The following PCDHA11 variants were observed in gnomAD, a reference collection of about 807,000 sequenced individuals.
PCDHA11 encodes protocadherin alpha-11.
In PCDHA11, 61 loss-of-function variants were observed where a neutral mutation model predicts 70.3. That is an observed-to-expected ratio of 0.87 (90% CI 0.71 to 1.07). PCDHA11 has a LOEUF of 1.07. PCDHA11 is among the 50% of genes least tolerant of loss of function. The probability of loss-of-function intolerance (pLI) is 0.00; values close to 1 mark genes in which losing one functional copy is unlikely to be tolerated. For synonymous variants in PCDHA11, 633 were observed against 555.1 expected (o/e 1.14, Z -1.97); for missense variants, 1,324 against 1,237.5 (o/e 1.07, Z -1.05).
At chr5:140,877,930 C>T (rs2057400413) in intron 1 of PCDHA11, 1 of 1,411,700 alleles carries the variant, frequency 7.1e-7, no homozygotes, top group East Asian at 2.5e-5. Flanking sequence ...CTTTATGATT[C>T]TATCCTTTAA....
chr5:140,888,980 G>A (rs1429569959), intron 1 of PCDHA11, among the ~76,000 whole-genome samples: 2 of 152,022 alleles, frequency 1.3e-5, no homozygotes, highest in Non-Finnish European at 2.9e-5. Context: ...TTGAATTTAT[G>A]ATTTATGATT....
chr5:140,904,797 C>T (rs2071388214), intron 1 of PCDHA11, among the ~76,000 whole-genome samples: 1 of 152,022 alleles, frequency 6.6e-6, no homozygotes, highest in East Asian at 1.9e-4. Context: ...TTTGCATTTT[C>T]CTGATAATTA....
intron 1 of PCDHA11, chr5:140,929,372 G>A: frequency 1.3e-6 from 2 of 1,514,740 alleles, no homozygotes; most frequent in Non-Finnish European, 1.8e-6. Context: ...GGAGATGGCT[G>A]CTAGCTGTGT....
In PCDHA11 at chr5:141,010,017, T is replaced by C; in HGVS notation, c.*80T>C. 1.3e-6 allele frequency: 2 copies of C among 1,571,154 alleles called. No individual in the cohort carries two copies. Among genetic ancestry groups the C allele is most frequent in the Non-Finnish European group, 1.7e-6 (2 of 1,162,678 alleles). On this transcript the variant is annotated 3_prime_UTR_variant, in exon 4 of 4. Transcript: ENST00000398640. ...CTCCCATGTAGCAATTCCCTGCTCC[T>C]TTTTCCTATCTACATGAGCCCTCTT...
intron 1 of PCDHA11, chr5:140,966,989 G>A: frequency 5.0e-6 from 8 of 1,604,148 alleles, no homozygotes; most frequent in Non-Finnish European, 6.8e-6. Context: ...CTTGGGGCCG[G>A]GTTGCTTGCG....
chr5:140,939,171 T>C (rs2092330047), intron 1 of PCDHA11, among the ~76,000 whole-genome samples: 1 of 152,170 alleles, frequency 6.6e-6, no homozygotes. Flanking sequence ...TGTCTGGTAA[T>C]GGCCCACTCC....
intron 1 of PCDHA11, among the ~76,000 whole-genome samples, chr5:140,923,931 A>T (rs1216808903): frequency 2.6e-5 from 4 of 152,118 alleles, no homozygotes; most frequent in Non-Finnish European, 4.4e-5. Flanking sequence ...CTCTGTATGC[A>T]TTTTTCCTTT....
intron 1 of PCDHA11, chr5:140,967,465 C>T: frequency 1.2e-6 from 2 of 1,613,512 alleles, no homozygotes; most frequent in Non-Finnish European, 1.7e-6. Flanking sequence ...TGGATGGGGG[C>T]ATCCCAGCCC....
chr5:140,991,003 A>C (rs1228444549), intron 3 of PCDHA11, among the ~76,000 whole-genome samples: 1 of 152,190 alleles, frequency 6.6e-6, no homozygotes, highest in East Asian at 1.9e-4. Flanking sequence ...ATTTATTGAG[A>C]ACTGTGATAA....
chr5:140,977,429 C>T (rs143756065), intron 1 of PCDHA11, among the ~76,000 whole-genome samples: 9 of 152,228 alleles, frequency 5.9e-5, no homozygotes, highest in South Asian at 2.1e-4. Context: ...CCTCTAACAC[C>T]GCTAGTAGAT....
At chr5:140,993,081 A>G (rs966669704) in intron 3 of PCDHA11, among the ~76,000 whole-genome samples, 34 of 152,234 alleles carry the variant, frequency 2.2e-4, no homozygotes, top group Non-Finnish European at 2.8e-4. Flanking sequence ...GTCTGCAATC[A>G]GCAGGGCTAT....
chr5:140,901,539 A>C (rs192107124), intron 1 of PCDHA11, among the ~76,000 whole-genome samples: 1 of 151,952 alleles, frequency 6.6e-6, no homozygotes, highest in African/African-American at 2.4e-5. Context: ...TTGGTTCTCT[A>C]TTCTGTTCCA....
intron 1 of PCDHA11, among the ~76,000 whole-genome samples, chr5:140,880,091 C>A (rs925970617): frequency 6.6e-6 from 1 of 152,106 alleles, no homozygotes; most frequent in African/African-American, 2.4e-5. Context: ...TTATAGTAGG[C>A]TTAAAATCAT....
chr5:140,915,542 G>T (rs1253663657), intron 1 of PCDHA11, among the ~76,000 whole-genome samples: 2 of 152,030 alleles, frequency 1.3e-5, no homozygotes, highest in Admixed American at 6.6e-5. Context: ...TGGAGGTCTT[G>T]AATAAGATCC....
chr5:140,924,715 C>A (rs1258622619), intron 1 of PCDHA11, among the ~76,000 whole-genome samples: 3 of 151,692 alleles, frequency 2.0e-5, no homozygotes, highest in Non-Finnish European at 4.4e-5. Flanking sequence ...TGCAACATGG[C>A]GAAACCTCAC....
intron 1 of PCDHA11, chr5:140,968,057 C>T (rs781959040): frequency 1.5e-5 from 24 of 1,613,992 alleles, no homozygotes; most frequent in East Asian, 6.7e-5. Context: ...GGACCGAGAG[C>T]GGGTGGCTGT....
rs1554214039 is a variant in PCDHA11 at position 140,941,214 on chromosome 5, C to CTTTCTTTCTTTCTTTCTTTCTTTCTTT, written c.2392-37735_2392-37734insTTTCTTTCTTTCTTTCTTTCTTTCTTT. ...TTTTTTCTTTCTTCCTTTCTTTCTTCCTTTCTTTCTTTCTTTCTTTCTTTC... is the reference window on the plus strand; with the variant it reads ...TTTTTTCTTTCTTCCTTTCTTTCTTCTTTCTTTCTTTCTTTCTTTCTTTCTTTCTTTCTTTCTTTCTTTCTTTCTTTC... On this transcript the variant is annotated intron_variant, in intron 1 of 3. Coordinates refer to ENST00000398640, the MANE Select transcript of PCDHA11 (RefSeq NM_018902.5). Among the ~76,000 whole-genome samples the CTTTCTTTCTTTCTTTCTTTCTTTCTTT allele has an allele frequency of 4.7e-4, 57 of 122,484 alleles. 1 individual carries two copies. The highest frequency in any genetic ancestry group is 1.6e-3 in the East Asian group (7 of 4,322). The allele number at this position is 122,484 out of a possible 152,430, so 80.4% of individuals were successfully genotyped here.
At chr5:140,985,217 G>A (rs1196051994) in intron 3 of PCDHA11, among the ~76,000 whole-genome samples, 3 of 152,206 alleles carry the variant, frequency 2.0e-5, no homozygotes, top group Admixed American at 1.3e-4. Context: ...GATTACAGGC[G>A]TGAGCCACCG....
intron 2 of PCDHA11, among the ~76,000 whole-genome samples, chr5:140,981,439 T>C (rs1468864699): frequency 6.6e-6 from 1 of 152,128 alleles, no homozygotes; most frequent in Non-Finnish European, 1.5e-5. Flanking sequence ...CCAGGCATGG[T>C]GGCGGGTGCC....
Sources: gnomAD v4.1 joint callset for allele counts (sites outside exome capture counted in the v4.1 genomes callset) on GRCh38, gnomAD v4.1.1 for gene constraint, MANE v1.5 for transcripts, NCBI Gene and HGNC (gene_info 2026-07-23, HGNC 2026-07-21) for gene names.